The following NFATC1 variants were observed in gnomAD, a reference collection of about 807,000 sequenced individuals.
The protein encoded by NFATC1 is nuclear factor of activated T cells 1, also known as nuclear factor of activated T-cells, cytoplasmic 1.
In NFATC1, 22 loss-of-function variants were observed where a neutral mutation model predicts 76.0. The observed-to-expected ratio is 0.29, with a 90% CI of 0.21 to 0.41. The LOEUF is 0.41. Among genes scored for constraint, NFATC1 ranks in the 10% least tolerant of loss-of-function variants. The pLI is 1.00. For missense variants in NFATC1, 1,357 were observed against 1,337.7 expected (o/e 1.01, Z -0.23); for synonymous variants, 704 against 613.1 (o/e 1.15, Z -2.19).
chr18:79,527,555 C>T lies in NFATC1; in HGVS notation c.2810C>T (p.Ser937Phe), dbSNP rs1439634096. The change falls in exon 10 of 10, where the codon TCC becomes TTC. Residue 937 changes from serine (S) to phenylalanine (F), a missense_variant. Physicochemically the swap from Ser to Phe is radical, Grantham distance 155. Transcript: ENST00000427363. ...AATGAAATAATACGAAATGACCTCT[C>T]CAGCACGAGCACCCACTCCTAGTTG... ...DVNEIIRNDLSSTSTHS is the reference protein window; with the variant it reads ...DVNEIIRNDLFSTSTHS 1.9e-6 allele frequency: 3 copies of T among 1,614,050 alleles called. No individual in the cohort carries two copies. Among genetic ancestry groups the T allele is most frequent in the Admixed American group, 3.3e-5 (2 of 60,034 alleles).
At chr18:79,451,194 C>G in intron 5 of NFATC1, 68 bp downstream of exon 5, 4 of 1,535,988 alleles carry the variant, frequency 2.6e-6, no homozygotes, top group Non-Finnish European at 3.5e-6. Flanking sequence ...CTGTCTCACC[C>G]GCTCTCAGCT....
At chr18:79,504,580 A>G (rs1306179423) in intron 9 of NFATC1, among the ~76,000 whole-genome samples, 1 of 152,266 alleles carries the variant, frequency 6.6e-6, no homozygotes, top group Non-Finnish European at 1.5e-5. Flanking sequence ...GAACATCATG[A>G]GCATTATTGA....
chr18:79,409,735 T>C (rs191880303), intron 1 of NFATC1, among the ~76,000 whole-genome samples: 1 of 152,338 alleles, frequency 6.6e-6, no homozygotes, highest in Admixed American at 6.5e-5. Context: ...ATTAAACAAA[T>C]TGAACACATT....
At chr18:79,454,738 G>T (rs939434855) in intron 6 of NFATC1, among the ~76,000 whole-genome samples, 5 of 152,216 alleles carry the variant, frequency 3.3e-5, no homozygotes, top group African/African-American at 1.2e-4. Context: ...GTTCTTCCAG[G>T]AGGCAGGTTG....
intron 2 of NFATC1, among the ~76,000 whole-genome samples, chr18:79,419,824 TCCTC>T (rs2086010009): frequency 6.6e-6 from 1 of 152,214 alleles, no homozygotes; most frequent in Non-Finnish European, 1.5e-5. Context: ...CGCAGGGACT[TCCTC>T]CCTCGGGATT....
intron 4 of NFATC1, among the ~76,000 whole-genome samples, chr18:79,449,709 G>A (rs982758790): frequency 6.6e-6 from 1 of 152,202 alleles, no homozygotes; most frequent in African/African-American, 2.4e-5. Flanking sequence ...AGGGTGACCC[G>A]CAGGCTGGGA....
chr18:79,451,469 C>G (rs1003149210), intron 5 of NFATC1, among the ~76,000 whole-genome samples: 1 of 152,278 alleles, frequency 6.6e-6, no homozygotes, highest in African/African-American at 2.4e-5. Flanking sequence ...ATTTTGATGA[C>G]TTCTTCAGAA....
At chr18:79,455,725 G>A (rs1016658499) in intron 6 of NFATC1, among the ~76,000 whole-genome samples, 4 of 132,244 alleles carry the variant, frequency 3.0e-5, no homozygotes. Context: ...AACATGGTGG[G>A]ACCCCAGCTC....
Position 79,527,317 on chromosome 18 carries a change from T to C in NFATC1, c.2783-211T>C. 1.8e-5 allele frequency: 10 copies of C among 542,688 alleles called. No individual in the cohort carries two copies. The South Asian group carries it at 2.4e-4, about 13-fold the overall frequency. The allele number at this position is 542,688 out of a possible 1,614,324, so 33.6% of individuals were successfully genotyped here. On this transcript the variant is annotated intron_variant, in intron 9 of 9. Transcript: ENST00000427363. ...GGTACCGTGCTACGGACGAGGGCGGTCACTCTGGCGACCCCAGCTCTCTGC... is the reference window on the plus strand; with the variant it reads ...GGTACCGTGCTACGGACGAGGGCGGCCACTCTGGCGACCCCAGCTCTCTGC...
chr18:79,403,848 G>A (rs1600590077), intron 1 of NFATC1, among the ~76,000 whole-genome samples: 2 of 152,242 alleles, frequency 1.3e-5, no homozygotes, highest in Admixed American at 6.5e-5. Flanking sequence ...GCTGGTCGGG[G>A]GCTGTGGCAG....
At chr18:79,445,455 C>G (rs988062802) in intron 3 of NFATC1, among the ~76,000 whole-genome samples, 3 of 152,236 alleles carry the variant, frequency 2.0e-5, no homozygotes. Context: ...GGGCCCAGCC[C>G]TGAGAGACGC....
intron 9 of NFATC1, among the ~76,000 whole-genome samples, chr18:79,498,585 A>C (rs2089949998): frequency 6.6e-6 from 1 of 152,236 alleles, no homozygotes; most frequent in Non-Finnish European, 1.5e-5. Context: ...GAGTTATAGA[A>C]AGAGATGATT....
At chr18:79,407,828 C>T (rs548386090) in intron 1 of NFATC1, among the ~76,000 whole-genome samples, 12 of 152,292 alleles carry the variant, frequency 7.9e-5, no homozygotes, top group African/African-American at 2.9e-4. Context: ...CATTTCTTTA[C>T]GATGGGGAAG....
rs965497885 is a variant in NFATC1 at position 79,443,605 on chromosome 18, A to G, written c.1387-5177A>G. Among the ~76,000 whole-genome samples, 6 of 152,342 alleles carry G rather than the reference A, an allele frequency of 3.9e-5. No individual in the cohort carries two copies. In the East Asian group the frequency reaches 9.7e-4, roughly 25 times the overall value. On this transcript the variant is annotated intron_variant, in intron 3 of 9. Coordinates refer to ENST00000427363, the MANE Select transcript of NFATC1 (RefSeq NM_001278669.2). The stretch of plus-strand genomic sequence containing the variant: ...GCTTGCTATGTAACCTCCGCCGTTC[A>G]GGCCTCAGCATGCAGCAAGCCCGTG...
chr18:79,461,191 G>A, intron 6 of NFATC1, 120 bp from the exon 7 acceptor site: 1 of 1,144,896 alleles, frequency 8.7e-7, no homozygotes, highest in East Asian at 2.5e-5. Context: ...GCCTACGTGG[G>A]TCTCCTGGGA....
At chr18:79,488,520 G>A (rs972018519) in intron 9 of NFATC1, among the ~76,000 whole-genome samples, 2 of 152,170 alleles carry the variant, frequency 1.3e-5, no homozygotes, top group African/African-American at 4.8e-5. Flanking sequence ...GCGGGGCCAG[G>A]ACAGTGTTCC....
chr18:79,461,281 T>C, intron 6 of NFATC1, 30 bp from the exon 7 acceptor site: 1 of 1,613,532 alleles, frequency 6.2e-7, no homozygotes, highest in Non-Finnish European at 8.5e-7. Flanking sequence ...CCACACAGAG[T>C]CACAGACGTT....
At chr18:79,512,915 C>T (rs1438840063) in intron 9 of NFATC1, among the ~76,000 whole-genome samples, 2 of 152,350 alleles carry the variant, frequency 1.3e-5, no homozygotes, top group South Asian at 2.1e-4. Flanking sequence ...CCTGCAGGGA[C>T]GTCCTGACCG....
intron 6 of NFATC1, chr18:79,452,212 G>A (rs1038314050): frequency 1.9e-5 from 3 of 159,290 alleles, no homozygotes; most frequent in Non-Finnish European, 2.7e-5. Flanking sequence ...GCTCCCCTCC[G>A]GGGCCTTCCC....
Sources: gnomAD v4.1 joint callset for allele counts (sites outside exome capture counted in the v4.1 genomes callset) on GRCh38, gnomAD v4.1.1 for gene constraint, MANE v1.5 for transcripts, NCBI Gene and HGNC (gene_info 2026-07-23, HGNC 2026-07-21) for gene names.